Variants in KCNT2 observed in about 807,000 individuals in gnomAD.
KCNT2 encodes the protein potassium channel subfamily T member 2.
In KCNT2, 67 loss-of-function variants were observed where a neutral mutation model predicts 153.8. The ratio of observed to expected loss-of-function variants is 0.44; its 90% CI spans 0.36 to 0.53. The LOEUF is 0.53. Ranked by LOEUF, KCNT2 falls within the 20% of genes least tolerant of loss-of-function variation. The pLI, the probability that KCNT2 is intolerant of heterozygous loss-of-function variation, is 0.00. For missense variants in KCNT2, 975 were observed against 1,354.8 expected (o/e 0.72, Z 4.40); for synonymous variants, 500 against 458.8 (o/e 1.09, Z -1.15).
chr1:196,443,598 C>T (rs1675431720), intron 8 of KCNT2, among the ~76,000 whole-genome samples: 1 of 151,526 alleles, frequency 6.6e-6, no homozygotes, highest in African/African-American at 2.4e-5. Context: ...GTTCAATAAC[C>T]AGCTTGTGGA....
At chr1:196,590,177 G>T (rs1663174187) in intron 1 of KCNT2, among the ~76,000 whole-genome samples, 1 of 152,102 alleles carries the variant, frequency 6.6e-6, no homozygotes, top group Non-Finnish European at 1.5e-5. Flanking sequence ...AGCAGACATT[G>T]AAAGGAATAA....
intron 14 of KCNT2, among the ~76,000 whole-genome samples, chr1:196,369,421 C>T (rs957675965): frequency 4.6e-5 from 7 of 151,902 alleles, no homozygotes; most frequent in African/African-American, 1.7e-4. Context: ...GTGTGCTGCA[C>T]CCACTAACTC....
chr1:196,549,019 G>A (rs1657530845), intron 1 of KCNT2, among the ~76,000 whole-genome samples: 1 of 150,874 alleles, frequency 6.6e-6, no homozygotes, highest in African/African-American at 2.4e-5. Flanking sequence ...GTGGGGGAGG[G>A]AGGAGGGATA....
chr1:196,400,585 T>C (rs899339289), intron 12 of KCNT2, among the ~76,000 whole-genome samples: 2 of 151,770 alleles, frequency 1.3e-5, no homozygotes, highest in Non-Finnish European at 2.9e-5. Context: ...TGTATCATCT[T>C]AGTAATAGTG....
intron 25 of KCNT2, among the ~76,000 whole-genome samples, chr1:196,260,264 T>C (rs1051124826): frequency 6.6e-6 from 1 of 151,884 alleles, no homozygotes; most frequent in African/African-American, 2.4e-5. Context: ...ATATCACTTA[T>C]AATTCAAGTC....
chr1:196,266,460 A>T (rs1170932707), intron 25 of KCNT2, among the ~76,000 whole-genome samples: 1 of 152,218 alleles, frequency 6.6e-6, no homozygotes, highest in Non-Finnish European at 1.5e-5. Context: ...GTCATAACAG[A>T]TATTGTCTAA....
At chr1:196,239,810 A>G (rs1232407472) in intron 26 of KCNT2, among the ~76,000 whole-genome samples, 1 of 152,014 alleles carries the variant, frequency 6.6e-6, no homozygotes, top group Non-Finnish European at 1.5e-5. Context: ...ATTTGGAGAT[A>G]GAGCCTCAAA....
At chr1:196,604,952 C>T (rs1665150755) in intron 1 of KCNT2, among the ~76,000 whole-genome samples, 3 of 152,118 alleles carry the variant, frequency 2.0e-5, no homozygotes, top group Non-Finnish European at 4.4e-5. Context: ...AGTTGATTCA[C>T]AGAAAATCTA....
chr1:196,325,374 G>A (rs1663740755), intron 19 of KCNT2, among the ~76,000 whole-genome samples: 1 of 152,060 alleles, frequency 6.6e-6, no homozygotes, highest in South Asian at 2.1e-4. Flanking sequence ...AAATGCCATT[G>A]TCTTAACTTC....
At chr1:196,391,754 A>G in intron 13 of KCNT2, among the ~76,000 whole-genome samples, 1 of 151,394 alleles carries the variant, frequency 6.6e-6, no homozygotes, top group East Asian at 1.9e-4. Context: ...GATTAAATGG[A>G]TAATGGTTAT....
intron 14 of KCNT2, among the ~76,000 whole-genome samples, chr1:196,347,869 C>T (rs1666274511): frequency 6.6e-6 from 1 of 152,098 alleles, no homozygotes; most frequent in Non-Finnish European, 1.5e-5. Flanking sequence ...TCATTACTTC[C>T]TCAGTTTTGC....
Position 196,284,247 on chromosome 1 carries a change from AAATATATATATATATAT to A in KCNT2, c.2697+1393_2697+1409del, listed in dbSNP as rs1419233042. 4.1e-4 allele frequency among the ~76,000 whole-genome samples: 20 copies of A among 48,812 alleles called. 1 individual carries two copies. The highest frequency in any genetic ancestry group is 8.9e-4 in the African/African-American group (20 of 22,522). The allele number at this position is 48,812 out of a possible 152,430, so 32.0% of individuals were successfully genotyped here. On this transcript the variant is annotated intron_variant, in intron 23 of 27. Coordinates refer to ENST00000294725, the MANE Select transcript of KCNT2 (RefSeq NM_198503.5). ...CTCTGTCTTAAAAAAAAAAAAAAAA[AAATATATATATATATAT>A]ATATATATATATATAGTTCTAGTTC...
intron 13 of KCNT2, among the ~76,000 whole-genome samples, chr1:196,387,530 A>G (rs1389412386): frequency 6.6e-6 from 1 of 151,784 alleles, no homozygotes; most frequent in African/African-American, 2.4e-5. Context: ...TGCTCAAACC[A>G]TCTTTCCCAC....
intron 1 of KCNT2, among the ~76,000 whole-genome samples, chr1:196,496,763 C>T (rs1348968129): frequency 6.6e-6 from 1 of 152,132 alleles, no homozygotes; most frequent in Admixed American, 6.5e-5. Flanking sequence ...GACGGGACGC[C>T]ATCACATTGC....
intron 1 of KCNT2, among the ~76,000 whole-genome samples, chr1:196,560,245 C>T (rs186785790): frequency 1.5e-4 from 22 of 151,586 alleles, no homozygotes; most frequent in East Asian, 5.9e-4. Flanking sequence ...ATGCAAAAGA[C>T]GACAAAACCT....
intron 12 of KCNT2, among the ~76,000 whole-genome samples, chr1:196,410,116 A>G (rs944156354): frequency 1.3e-5 from 2 of 151,516 alleles, no homozygotes; most frequent in African/African-American, 4.8e-5. Context: ...ATTTCCATTC[A>G]AGTCATTTGC....
intron 26 of KCNT2, among the ~76,000 whole-genome samples, chr1:196,248,270 A>G (rs534132749): frequency 6.6e-6 from 1 of 152,072 alleles, no homozygotes; most frequent in Non-Finnish European, 1.5e-5. Flanking sequence ...TAAACCAAAA[A>G]TAGTAGAAAA....
At chr1:196,508,380 C>T (rs1409595542) in intron 1 of KCNT2, among the ~76,000 whole-genome samples, 10 of 151,746 alleles carry the variant, frequency 6.6e-5, no homozygotes, top group African/African-American at 2.4e-4. Flanking sequence ...AAAACAAAAA[C>T]ATAAAGTATG....
At chr1:196,361,914 A>T (rs200625023) in intron 14 of KCNT2, among the ~76,000 whole-genome samples, 3 of 150,504 alleles carry the variant, frequency 2.0e-5, no homozygotes, top group Non-Finnish European at 3.0e-5. Flanking sequence ...TGTGAGTGTG[A>T]GTGTGTGTGT....
Sources: gnomAD v4.1 joint callset for allele counts (sites outside exome capture counted in the v4.1 genomes callset) on GRCh38, gnomAD v4.1.1 for gene constraint, MANE v1.5 for transcripts, NCBI Gene and HGNC (gene_info 2026-07-23, HGNC 2026-07-21) for gene names.